The following ZSWIM6 variants were observed in gnomAD, a reference collection of about 807,000 sequenced individuals.
ZSWIM6 encodes zinc finger SWIM domain-containing protein 6.
A neutral mutation model predicts 113.2 loss-of-function variants in ZSWIM6; 9 were observed. The observed-to-expected ratio is 0.08, with a 90% CI of 0.05 to 0.14. The LOEUF is 0.14. ZSWIM6 is among the 10% of genes least tolerant of loss of function. ZSWIM6 has a pLI of 1.00. For missense variants in ZSWIM6, 1,162 were observed against 1,552.2 expected, an observed-to-expected ratio of 0.75 and a Z score of 4.22; for synonymous variants, 611 against 606.5, an observed-to-expected ratio of 1.01 and a Z score of -0.11.
At chr5:61,380,018 C>G (rs1162035757) in intron 1 of ZSWIM6, among the ~76,000 whole-genome samples, 1 of 152,102 alleles carries the variant, frequency 6.6e-6, no homozygotes, top group Non-Finnish European at 1.5e-5. Flanking sequence ...TTCTTTATGA[C>G]TTTGAATAGC....
chr5:61,404,771 G>T (rs1222080586), intron 1 of ZSWIM6, among the ~76,000 whole-genome samples: 1 of 152,126 alleles, frequency 6.6e-6, no homozygotes, highest in African/African-American at 2.4e-5. Context: ...CCTAGAGAGG[G>T]TTGTTTTTTT....
chr5:61,399,272 A>G (rs1025001817), intron 1 of ZSWIM6, among the ~76,000 whole-genome samples: 1 of 121,072 alleles, frequency 8.3e-6, no homozygotes, highest in Admixed American at 8.5e-5. Context: ...AGTGTCTATT[A>G]TTTGAAAAAT....
chr5:61,337,308 AC>A (rs1432253225), intron 1 of ZSWIM6, among the ~76,000 whole-genome samples: 1 of 152,158 alleles, frequency 6.6e-6, no homozygotes, highest in South Asian at 2.1e-4. Context: ...AACAAAAAAA[AC>A]GAGATGCAAA....
chr5:61,480,896 A>T (rs748328246), intron 2 of ZSWIM6, among the ~76,000 whole-genome samples: 2 of 152,166 alleles, frequency 1.3e-5, no homozygotes, highest in Non-Finnish European at 2.9e-5. Flanking sequence ...TTAACAGCAA[A>T]CACTAAAACT....
At position 61,352,517 on chromosome 5, in the gene ZSWIM6, C is replaced by A. The variant is rs376770252; in HGVS notation, c.676+19569C>A. Among the ~76,000 whole-genome samples, 26 of 152,266 alleles carry A rather than the reference C, an allele frequency of 1.7e-4. No individual in the cohort carries two copies. In the East Asian group the frequency reaches 2.5e-3, roughly 15 times the overall value. On this transcript the variant is annotated intron_variant, in intron 1 of 13. Coordinates refer to ENST00000252744, the MANE Select transcript of ZSWIM6 (RefSeq NM_020928.2). Reference sequence around the variant, plus strand: ...AGGCATTGCTTTTATTCAGTGGTTCCATCTATCTATTGCTTCACACCCATC... The same window carrying A: ...AGGCATTGCTTTTATTCAGTGGTTCAATCTATCTATTGCTTCACACCCATC...
intron 4 of ZSWIM6, among the ~76,000 whole-genome samples, chr5:61,516,081 A>G (rs1748929494): frequency 6.6e-6 from 1 of 151,892 alleles, no homozygotes; most frequent in Non-Finnish European, 1.5e-5. Flanking sequence ...ACACAGTATA[A>G]GAAAGATTTG....
rs541474600 is a variant in ZSWIM6, at chr5:61,332,966, C to T, written c.676+18C>T. 1.4e-5 allele frequency: 17 copies of T among 1,253,954 alleles called. No homozygotes were observed. The highest frequency in any genetic ancestry group is 2.1e-5 in the South Asian group (1 of 48,080). The allele number at this position is 1,253,954 out of a possible 1,614,324, so 77.7% of individuals were successfully genotyped here. A position where few individuals can be genotyped will look rare whatever the true frequency, so the allele number is the denominator to read the frequency against. The stretch of plus-strand genomic sequence containing the variant: ...GCAAGTCGGTGAGTCACGGGGCAGC[C>T]GCGAGCCGTCTGTCCGTCCGTCAGT... On this transcript the variant is annotated intron_variant, in intron 1 of 13. Coordinates refer to ENST00000252744, the MANE Select transcript of ZSWIM6 (RefSeq NM_020928.2).
intron 1 of ZSWIM6, among the ~76,000 whole-genome samples, chr5:61,346,377 A>C (rs1744658875): frequency 6.6e-6 from 1 of 152,230 alleles, no homozygotes; most frequent in Admixed American, 6.5e-5. Context: ...ACTATATCAT[A>C]GTGTAATCTT....
At chr5:61,433,623 C>A (rs1279746624) in intron 1 of ZSWIM6, among the ~76,000 whole-genome samples, 1 of 151,962 alleles carries the variant, frequency 6.6e-6, no homozygotes, top group Non-Finnish European at 1.5e-5. Flanking sequence ...CAGGCTTGTA[C>A]CACCATGCCC....
intron 1 of ZSWIM6, among the ~76,000 whole-genome samples, chr5:61,361,008 G>A (rs868768159): frequency 2.0e-5 from 3 of 152,052 alleles, no homozygotes; most frequent in Non-Finnish European, 2.9e-5. Context: ...AAATCAGGAC[G>A]AATAAAAAGA....
intron 4 of ZSWIM6, among the ~76,000 whole-genome samples, chr5:61,510,220 C>T (rs1180792133): frequency 6.6e-6 from 1 of 151,624 alleles, no homozygotes; most frequent in African/African-American, 2.4e-5. Context: ...TGAGGTGGGG[C>T]AAAATGGTGG....
intron 10 of ZSWIM6, among the ~76,000 whole-genome samples, chr5:61,538,280 G>A (rs74863229): frequency 2.0e-3 from 310 of 152,344 alleles, no homozygotes; most frequent in African/African-American, 7.1e-3. Context: ...TGTTCAGAAA[G>A]TATGAATGGA....
chr5:61,462,890 C>G (rs1283928418), intron 1 of ZSWIM6, among the ~76,000 whole-genome samples: 1 of 152,178 alleles, frequency 6.6e-6, no homozygotes, highest in Non-Finnish European at 1.5e-5. Context: ...TTAAAAAGTG[C>G]TAATTCTCTT....
intron 12 of ZSWIM6, among the ~76,000 whole-genome samples, chr5:61,540,278 A>G (rs1289175715): frequency 6.6e-6 from 1 of 152,188 alleles, no homozygotes; most frequent in Non-Finnish European, 1.5e-5. Flanking sequence ...ACAGAATACC[A>G]AGGACATTTT....
intron 1 of ZSWIM6, among the ~76,000 whole-genome samples, chr5:61,392,318 T>C (rs1745736455): frequency 6.6e-6 from 1 of 152,224 alleles, no homozygotes; most frequent in Non-Finnish European, 1.5e-5. Flanking sequence ...GTATCTTTTA[T>C]CCTGTAAAGT....
intron 5 of ZSWIM6, among the ~76,000 whole-genome samples, chr5:61,522,936 G>A (rs1204795489): frequency 6.6e-6 from 1 of 152,058 alleles, no homozygotes; most frequent in Non-Finnish European, 1.5e-5. Flanking sequence ...CCTTGATTAA[G>A]CATGAATATT....
At chr5:61,419,319 C>T (rs1444657554) in intron 1 of ZSWIM6, among the ~76,000 whole-genome samples, 1 of 152,248 alleles carries the variant, frequency 6.6e-6, no homozygotes, top group African/African-American at 2.4e-5. Flanking sequence ...CTACCATTAT[C>T]TCACTGGTTA....
At chr5:61,425,818 G>A (rs1425571674) in intron 1 of ZSWIM6, among the ~76,000 whole-genome samples, 1 of 152,210 alleles carries the variant, frequency 6.6e-6, no homozygotes, top group Non-Finnish European at 1.5e-5. Context: ...AATGTTGAGA[G>A]TATATGGGCC....
At position 61,494,110 on chromosome 5, in the gene ZSWIM6, G is replaced by A. The variant is rs139386257; in HGVS notation, c.1183-150G>A. 2.9e-4 allele frequency: 238 copies of A among 825,570 alleles called. No individual in the cohort carries two copies. The African/African-American group carries it at 3.1e-3, about 11-fold the overall frequency. The allele number at this position is 825,570 out of a possible 1,614,324, so 51.1% of individuals were successfully genotyped here. ...TGGTGTGAAGGCTTGACATCTCCCC[G>A]CCTATCCTCCACCACACACACACAC... On this transcript the variant is annotated intron_variant, in intron 3 of 13. Transcript: ENST00000252744.
Sources: gnomAD v4.1 joint callset for allele counts (sites outside exome capture counted in the v4.1 genomes callset) on GRCh38, gnomAD v4.1.1 for gene constraint, MANE v1.5 for transcripts, NCBI Gene and HGNC (gene_info 2026-07-23, HGNC 2026-07-21) for gene names.